Variants in DYSF observed in about 807,000 individuals in gnomAD.
DYSF encodes dystrophy-associated fer-1-like 1.
DYSF carries 212 observed loss-of-function variants against 274.9 expected under a neutral mutation model. The observed-to-expected ratio is 0.77, with a 90% CI of 0.69 to 0.86. DYSF has a LOEUF of 0.86. Ranked by LOEUF, DYSF falls within the 40% of genes least tolerant of loss-of-function variation. The pLI is 0.00. For missense variants in DYSF, 2,666 were observed against 2,783.2 expected, an observed-to-expected ratio of 0.96 and a Z score of 0.95; for synonymous variants, 1,091 against 1,078.7, an observed-to-expected ratio of 1.01 and a Z score of -0.22.
At position 71,556,025 on chromosome 2, in the gene DYSF, G is replaced by A; in HGVS notation, c.2170G>A (p.Asp724Asn). Residue 724 changes from aspartate (D) to asparagine (N), a missense_variant, in exon 22 of 56, where the codon GAC (aspartate) becomes AAC (asparagine). Transcript: ENST00000410020. Reference protein sequence around the residue: ...LKAQCSTEDVDSLVAQLTDEL... With the variant: ...LKAQCSTEDVNSLVAQLTDEL... ...GGCGCAGTGCTCCACGGAGGACGTG[G>A]ACTCGCTGGTGGCTCAGCTGACGGA... 1 of 1,579,180 alleles carries A rather than the reference G, an allele frequency of 6.3e-7. No individual in the cohort carries two copies. The highest frequency in any genetic ancestry group is 8.6e-7 in the Non-Finnish European group (1 of 1,163,246).
rs532582048 is a variant in DYSF at position 71,601,876 on chromosome 2, T to A, written c.3927+348T>A. ...ACATCCAGGACTGAGAATCACTGACTTAGCCCCAGGGTTCTGAAAGTGTGG... is the reference window on the plus strand; with the variant it reads ...ACATCCAGGACTGAGAATCACTGACATAGCCCCAGGGTTCTGAAAGTGTGG... On this transcript the variant is annotated intron_variant, in intron 35 of 55. Transcript: ENST00000410020. 2.6e-5 allele frequency among the ~76,000 whole-genome samples: 4 copies of A among 152,338 alleles called. No individual in the cohort carries two copies. In the East Asian group the frequency reaches 7.7e-4, roughly 29 times the overall value.
chr2:71,680,912 T>G, intron 53 of DYSF, 89 bp from the exon 54 acceptor site: 8 of 991,560 alleles, frequency 8.1e-6, no homozygotes, highest in Non-Finnish European at 1.3e-5. Flanking sequence ...AATAATGAAG[T>G]GGCCCTTATG....
intron 3 of DYSF, among the ~76,000 whole-genome samples, chr2:71,483,218 C>G (rs763434116): frequency 1.3e-5 from 2 of 152,152 alleles, no homozygotes; most frequent in Non-Finnish European, 2.9e-5. Flanking sequence ...GCCAGGGCAT[C>G]TTGGGCCCGT....
Position 71,674,231 on chromosome 2 carries a change from A to G in DYSF, c.5819A>G (p.Lys1940Arg). The G allele has an allele frequency of 6.2e-7, 1 of 1,614,204 alleles. No homozygotes were observed. The highest frequency in any genetic ancestry group is 8.5e-7 in the Non-Finnish European group (1 of 1,180,030). Residue 1940 changes from lysine (K) to arginine (R), a missense_variant, in exon 52 of 56, where the codon AAA (lysine) becomes AGA (arginine). Physicochemically the swap from Lys to Arg is conservative, Grantham distance 26. Transcript: ENST00000410020. ...AFWRLDKTES[K>R]IPARVVFQIW... Reference sequence around the variant, plus strand: ...TGGAGGCTGGACAAGACTGAGAGCAAAATCCCAGCACGAGTGGTGTTCCAG... The same window carrying G: ...TGGAGGCTGGACAAGACTGAGAGCAGAATCCCAGCACGAGTGGTGTTCCAG...
chr2:71,519,091 T>TAA (rs2086955251), intron 10 of DYSF, among the ~76,000 whole-genome samples: 1 of 10,526 alleles, frequency 9.5e-5, no homozygotes, highest in Non-Finnish European at 1.9e-4. Flanking sequence ...ACACTCCATC[T>TAA]CAAAAAAAAA....
intron 3 of DYSF, among the ~76,000 whole-genome samples, chr2:71,489,070 G>A (rs2083592468): frequency 1.3e-5 from 2 of 152,182 alleles, no homozygotes; most frequent in Admixed American, 1.3e-4. Context: ...AACACTCTGT[G>A]GCCTTGGGCA....
At chr2:71,524,698 G>A (rs888592031) in intron 12 of DYSF, among the ~76,000 whole-genome samples, 1 of 152,230 alleles carries the variant, frequency 6.6e-6, no homozygotes, top group Non-Finnish European at 1.5e-5. Flanking sequence ...TCTTTTGTCT[G>A]TTCCTCCAGC....
chr2:71,513,383 CT>C, intron 6 of DYSF, 51 bp downstream of exon 6: 1 of 1,523,118 alleles, frequency 6.6e-7, no homozygotes, highest in Non-Finnish European at 8.9e-7. Flanking sequence ...CTGTAACTGT[CT>C]CACTAGCTGC....
intron 54 of DYSF, 26 bp downstream of exon 54, chr2:71,681,136 A>T: frequency 1.2e-6 from 2 of 1,600,282 alleles, no homozygotes; most frequent in Non-Finnish European, 1.7e-6. Context: ...CTGAGCCCCA[A>T]TGCCCACAGG....
intron 1 of DYSF, among the ~76,000 whole-genome samples, chr2:71,460,944 A>G (rs969985528): frequency 8.9e-6 from 1 of 112,396 alleles, no homozygotes; most frequent in Non-Finnish European, 1.9e-5. Context: ...ACAGGAAAAA[A>G]AAAAAAAAAA....
intron 3 of DYSF, among the ~76,000 whole-genome samples, chr2:71,491,086 C>T (rs1204621545): frequency 6.6e-6 from 1 of 152,012 alleles, no homozygotes; most frequent in Non-Finnish European, 1.5e-5. Context: ...CAATAAAGTG[C>T]CTGCTAATTT....
rs557636635 is a variant in DYSF at position 71,636,165 on chromosome 2, C to T, written c.4528-7800C>T. ...TCAGGGAGGTGTGAGGGCTCGATCACAAGCGACTTTAGAAGTTATTACAAG... is the reference window on the plus strand; with the variant it reads ...TCAGGGAGGTGTGAGGGCTCGATCATAAGCGACTTTAGAAGTTATTACAAG... On this transcript the variant is annotated intron_variant, in intron 41 of 55. Transcript: ENST00000410020. Among the ~76,000 whole-genome samples the T allele has an allele frequency of 1.6e-3, 245 of 152,300 alleles. 1 individual carries two copies. Among genetic ancestry groups the T allele is most frequent in the Non-Finnish European group, 2.2e-3 (150 of 68,032 alleles).
At chr2:71,530,544 G>A (rs1405418826) in intron 14 of DYSF, among the ~76,000 whole-genome samples, 1 of 152,162 alleles carries the variant, frequency 6.6e-6, no homozygotes, top group African/African-American at 2.4e-5. Flanking sequence ...GCAAGGCACT[G>A]TATACAGTAG....
chr2:71,558,446 C>T (rs1031738496), intron 22 of DYSF, among the ~76,000 whole-genome samples: 1 of 152,170 alleles, frequency 6.6e-6, no homozygotes, highest in Non-Finnish European at 1.5e-5. Flanking sequence ...CCCAGGGCAT[C>T]CCCGGGGCCC....
chr2:71,618,290 G>A (rs917473235), intron 40 of DYSF, among the ~76,000 whole-genome samples: 1 of 138,124 alleles, frequency 7.2e-6, no homozygotes, highest in African/African-American at 2.8e-5. Context: ...GTAGAGGTGT[G>A]TGTGTGGTAG....
chr2:71,513,579 G>A, intron 6 of DYSF, 137 bp from the exon 7 acceptor site: 1 of 930,526 alleles, frequency 1.1e-6, no homozygotes, highest in Non-Finnish European at 1.7e-6. Context: ...TGATGGGGAG[G>A]GAGGAGGGAG....
rs398123790 is a variant in DYSF at position 71,664,275 on chromosome 2, G to T, written c.5011G>T (p.Glu1671Ter). The T allele has an allele frequency of 1.2e-6, 2 of 1,614,058 alleles. No homozygotes were observed. The highest frequency in any genetic ancestry group is 1.7e-6 in the Non-Finnish European group (2 of 1,179,974). Residue 1671 changes from glutamate to a stop codon, truncating the protein, a stop_gained, in exon 46 of 56, where the codon GAG becomes TAG. Transcript: ENST00000410020. LOFTEE classifies it high-confidence loss of function. ...AATCTGCCCCTCCTGCAGGATGTTC[G>T]AGCTGACCTGCACTCTGCCTCTGGA... is the stretch of plus-strand genomic sequence containing the variant. Reference protein sequence around the residue: ...TLEPVFGKMFELTCTLPLEKD... With the variant: ...TLEPVFGKMF
chr2:71,518,422 G>GT (rs573031688), intron 10 of DYSF, among the ~76,000 whole-genome samples: 2,243 of 135,882 alleles, frequency 0.017, 48 homozygotes, highest in East Asian at 0.11. Context: ...ACGCCTGGCA[G>GT]TTTTTTTTTT....
intron 14 of DYSF, among the ~76,000 whole-genome samples, chr2:71,534,812 G>A (rs528643769): frequency 6.6e-6 from 1 of 152,152 alleles, no homozygotes; most frequent in African/African-American, 2.4e-5. Context: ...CCACTCCCCA[G>A]CTCTGGGTCT....
Sources: allele counts gnomAD v4.1 joint callset (sites outside exome capture counted in the v4.1 genomes callset), GRCh38; gene constraint gnomAD v4.1.1; transcripts MANE v1.5; gene names NCBI Gene and HGNC (gene_info 2026-07-23, HGNC 2026-07-21).